INO80: variants seen among roughly 807,000 people sequenced by gnomAD.
The protein encoded by INO80 is INO80 complex ATPase subunit, also known as chromatin-remodeling ATPase INO80.
A neutral mutation model predicts 203.4 loss-of-function variants in INO80; 20 were observed. The ratio of observed to expected loss-of-function variants is 0.10; its 90% CI spans 0.07 to 0.14. INO80 has a LOEUF of 0.14. INO80 is among the 10% of genes least tolerant of loss of function. The pLI is 1.00. For missense variants in INO80, 1,419 were observed against 1,914.4 expected (o/e 0.74, Z 4.83); for synonymous variants, 726 against 685.2 (o/e 1.06, Z -0.93).
chr15:41,079,962 C>T lies in INO80; in HGVS notation c.928-58G>A. On this transcript the variant is annotated intron_variant, in intron 8 of 35. Coordinates refer to ENST00000648947, the MANE Select transcript of INO80 (RefSeq NM_017553.3). ...ACCCCATACCAGAAGCTGGTTCTTCCTGGACTCTAAACCACATCATTCCTC... is the reference window on the plus strand; with the variant it reads ...ACCCCATACCAGAAGCTGGTTCTTCTTGGACTCTAAACCACATCATTCCTC... The T allele has an allele frequency of 2.7e-6, 4 of 1,459,202 alleles. No homozygotes were observed. The South Asian group carries it at 4.6e-5, about 17-fold the overall frequency. 90.4% of individuals were successfully genotyped at this position (1,459,202 alleles called of 1,614,324 possible).
intron 14 of INO80, among the ~76,000 whole-genome samples, chr15:41,064,849 T>C (rs1366767919): frequency 1.3e-5 from 2 of 151,912 alleles, no homozygotes; most frequent in Non-Finnish European, 2.9e-5. Context: ...ATAAAGAAAT[T>C]CACTGGGCAT....
intron 1 of INO80, among the ~76,000 whole-genome samples, chr15:41,105,554 A>T (rs1037643461): frequency 6.6e-6 from 1 of 152,204 alleles, no homozygotes; most frequent in Non-Finnish European, 1.5e-5. Flanking sequence ...GTGTGACTTC[A>T]AAGCCCCACA....
chr15:41,027,304 A>G (rs1203986701), intron 25 of INO80, among the ~76,000 whole-genome samples: 2 of 152,138 alleles, frequency 1.3e-5, no homozygotes, highest in Non-Finnish European at 2.9e-5. Context: ...ATTGGGTGAT[A>G]TATATTCTAC....
intron 25 of INO80, among the ~76,000 whole-genome samples, chr15:41,026,874 CAATT>C (rs2044382864): frequency 6.6e-6 from 1 of 152,170 alleles, no homozygotes; most frequent in South Asian, 2.1e-4. Flanking sequence ...CCCAGTGTGC[CAATT>C]AAAGCCTTTC....
chr15:41,069,521 A>G, intron 14 of INO80, 49 bp downstream of exon 14: 1 of 1,171,766 alleles, frequency 8.5e-7, no homozygotes, highest in Non-Finnish European at 1.2e-6. Flanking sequence ...GGAGAGTCAA[A>G]AAGTTTATTT....
At chr15:41,088,334 C>T (rs980626144) in intron 5 of INO80, among the ~76,000 whole-genome samples, 2 of 151,918 alleles carry the variant, frequency 1.3e-5, no homozygotes, top group South Asian at 4.2e-4. Flanking sequence ...GTGGTCAGCC[C>T]ATCTCAGTGT....
At chr15:41,035,820 T>C (rs1596279201) in intron 24 of INO80, among the ~76,000 whole-genome samples, 4 of 3,136 alleles carry the variant, frequency 1.3e-3, no homozygotes, top group Admixed American at 7.2e-3. Flanking sequence ...AGACTCTGTC[T>C]CAAAAAAAAA....
At chr15:41,110,249 A>G (rs556133823) in intron 1 of INO80, among the ~76,000 whole-genome samples, 5 of 151,408 alleles carry the variant, frequency 3.3e-5, no homozygotes, top group Admixed American at 3.3e-4. Flanking sequence ...GGTTCAAGCT[A>G]TTCTACTGCC....
chr15:41,104,861 T>C lies in INO80; in HGVS notation c.-43-8508A>G, dbSNP rs1482865203. Among the ~76,000 whole-genome samples, 4 of 152,174 alleles carry C rather than the reference T, an allele frequency of 2.6e-5. No individual in the cohort carries two copies. The East Asian group carries it at 7.7e-4, about 29-fold the overall frequency. ...GGCCAACTTATCAGTATTTATATTG[T>C]ACAGAATTATGTATTCTGTACAAAA... On this transcript the variant is annotated intron_variant, in intron 1 of 35. Coordinates refer to ENST00000648947, the MANE Select transcript of INO80 (RefSeq NM_017553.3).
chr15:40,988,802 G>GTT (rs1566900669), intron 29 of INO80, among the ~76,000 whole-genome samples: 1 of 152,188 alleles, frequency 6.6e-6, no homozygotes, highest in African/African-American at 2.4e-5. Flanking sequence ...ATTACTTGAG[G>GTT]TCAGGAGTTT....
At chr15:40,995,340 G>A (rs1351451934) in intron 29 of INO80, among the ~76,000 whole-genome samples, 1 of 152,146 alleles carries the variant, frequency 6.6e-6, no homozygotes, top group African/African-American at 2.4e-5. Context: ...ACTCATGGGA[G>A]GATGACTTAG....
chr15:41,022,783 A>T (rs139464909), intron 25 of INO80, among the ~76,000 whole-genome samples: 1 of 152,154 alleles, frequency 6.6e-6, no homozygotes, highest in Non-Finnish European at 1.5e-5. Flanking sequence ...CTAGAATCTC[A>T]TATCACCTTT....
intron 1 of INO80, 132 bp downstream of exon 1, chr15:41,115,841 A>C: frequency 2.7e-6 from 1 of 370,226 alleles, no homozygotes; most frequent in Non-Finnish European, 4.8e-6. Context: ...CCTCCATACT[A>C]ACCCCAACAA....
intron 1 of INO80, among the ~76,000 whole-genome samples, chr15:41,104,103 C>T (rs898007667): frequency 6.6e-6 from 1 of 151,088 alleles, no homozygotes; most frequent in African/African-American, 2.4e-5. Flanking sequence ...TGCCTGTAAT[C>T]CCAGCTACTT....
At chr15:41,107,426 A>T (rs2045896472) in intron 1 of INO80, among the ~76,000 whole-genome samples, 2 of 152,064 alleles carry the variant, frequency 1.3e-5, no homozygotes, top group Non-Finnish European at 2.9e-5. Context: ...GCTTGAACCC[A>T]GGAGATGAAG....
chr15:40,997,769 T>C, intron 28 of INO80, 168 bp from the exon 29 acceptor site: 1 of 511,686 alleles, frequency 2.0e-6, no homozygotes, highest in Non-Finnish European at 3.6e-6. Flanking sequence ...AATGTTGCTC[T>C]GTTGTTACAA....
At chr15:41,095,498 T>A in intron 4 of INO80, 103 bp downstream of exon 4, 1 of 802,240 alleles carries the variant, frequency 1.2e-6, no homozygotes, top group Non-Finnish European at 2.1e-6. Flanking sequence ...AGAATCATAT[T>A]TGAAAAACTC....
chr15:41,040,219 T>G (rs1643856485), intron 24 of INO80, among the ~76,000 whole-genome samples: 2 of 152,040 alleles, frequency 1.3e-5, no homozygotes, highest in African/African-American at 2.4e-5. Flanking sequence ...AAAATAAAAT[T>G]TATATGCCAA....
chr15:41,007,916 G>T (rs2140443303), intron 27 of INO80, among the ~76,000 whole-genome samples: 1 of 152,360 alleles, frequency 6.6e-6, no homozygotes, highest in Middle Eastern at 3.4e-3. Context: ...GCTCACGCCT[G>T]TAATCCCAGC....
Sources: allele counts gnomAD v4.1 joint callset (sites outside exome capture counted in the v4.1 genomes callset), GRCh38; gene constraint gnomAD v4.1.1; transcripts MANE v1.5; gene names NCBI Gene and HGNC (gene_info 2026-07-23, HGNC 2026-07-21).